The following GMDS variants were observed in gnomAD, a reference collection of about 807,000 sequenced individuals.
GMDS encodes GDP-mannose 4,6 dehydratase.
In GMDS, 20 loss-of-function variants were observed where a neutral mutation model predicts 49.9. That is an observed-to-expected ratio of 0.40 (90% confidence interval 0.28 to 0.58). GMDS has a LOEUF of 0.58. Ranked by LOEUF, GMDS falls within the 20% of genes least tolerant of loss-of-function variation. The pLI is 0.42. For missense variants in GMDS, 362 were observed against 481.4 expected (o/e 0.75, Z 2.32); for synonymous variants, 177 against 178.6 (o/e 0.99, Z 0.07).
chr6:2,128,187 T>G (rs117459758), intron 1 of GMDS, among the ~76,000 whole-genome samples: 6,329 of 152,020 alleles, frequency 0.042, 255 homozygotes, highest in South Asian at 0.13. Flanking sequence ...TTTTTTTTTT[T>G]TTTTGAGACA....
At chr6:2,245,237 A>G in intron 1 of GMDS, 84 bp downstream of exon 1, 1 of 952,036 alleles carries the variant, frequency 1.1e-6, no homozygotes, top group Non-Finnish European at 1.6e-6. Flanking sequence ...TCCTGGAGAG[A>G]CCGCAGCCCA....
intron 1 of GMDS, among the ~76,000 whole-genome samples, chr6:2,206,793 G>A (rs1177703329): frequency 6.6e-6 from 1 of 152,126 alleles, no homozygotes; most frequent in East Asian, 1.9e-4. Context: ...GAAACACTAT[G>A]GGAACCACTG....
At chr6:1,664,587 G>A (rs925423193) in intron 9 of GMDS, among the ~76,000 whole-genome samples, 2 of 152,170 alleles carry the variant, frequency 1.3e-5, no homozygotes, top group African/African-American at 4.8e-5. Flanking sequence ...GAAGCTGAAA[G>A]CAATGTGCTT....
intron 1 of GMDS, among the ~76,000 whole-genome samples, chr6:2,147,043 T>A (rs1460744458): frequency 1.3e-5 from 2 of 152,218 alleles, no homozygotes; most frequent in African/African-American, 4.8e-5. Context: ...CACCATTAAC[T>A]GGCACTGCAG....
At chr6:1,876,192 A>T (rs561036109) in intron 7 of GMDS, among the ~76,000 whole-genome samples, 23 of 152,078 alleles carry the variant, frequency 1.5e-4, no homozygotes, top group South Asian at 8.3e-4. Flanking sequence ...CGGCAGGCAG[A>T]GGTTGCAGTG....
At chr6:1,708,549 C>A (rs1351745533) in intron 9 of GMDS, among the ~76,000 whole-genome samples, 1 of 152,266 alleles carries the variant, frequency 6.6e-6, no homozygotes, top group African/African-American at 2.4e-5. Context: ...GAGAGCCCCA[C>A]TGCATCAGAT....
chr6:1,852,371 C>T (rs574508127), intron 7 of GMDS, among the ~76,000 whole-genome samples: 15 of 152,270 alleles, frequency 9.9e-5, no homozygotes, highest in African/African-American at 3.4e-4. Context: ...AGGATATTTT[C>T]TGTAATAAAA....
intron 7 of GMDS, among the ~76,000 whole-genome samples, chr6:1,798,921 T>C (rs1389141869): frequency 6.6e-6 from 1 of 152,200 alleles, no homozygotes; most frequent in Non-Finnish European, 1.5e-5. Context: ...TTATGGAAAG[T>C]ACTGGAACAC....
At chr6:1,985,754 A>G (rs1765506959) in intron 4 of GMDS, among the ~76,000 whole-genome samples, 1 of 152,188 alleles carries the variant, frequency 6.6e-6, no homozygotes, top group Non-Finnish European at 1.5e-5. Flanking sequence ...GGCAGAAAAC[A>G]TCCCAGTTCA....
chr6:2,216,038 AATT>A (rs1780319098), intron 1 of GMDS, among the ~76,000 whole-genome samples: 1 of 152,158 alleles, frequency 6.6e-6, no homozygotes, highest in South Asian at 2.1e-4. Flanking sequence ...TAATAATTAC[AATT>A]AGAGGATGGG....
chr6:1,650,433 C>T (rs564412236), intron 9 of GMDS, among the ~76,000 whole-genome samples: 56 of 152,268 alleles, frequency 3.7e-4, no homozygotes, highest in African/African-American at 1.1e-3. Context: ...CTTTTAAGAA[C>T]GTGTGAAATA....
chr6:1,646,631 A>G (rs1378612869), intron 9 of GMDS, among the ~76,000 whole-genome samples: 6 of 152,052 alleles, frequency 3.9e-5, no homozygotes, highest in African/African-American at 1.4e-4. Context: ...CAATCCACCC[A>G]CTTTGGCCTC....
At chr6:1,840,777 T>TA (rs1230797483) in intron 7 of GMDS, among the ~76,000 whole-genome samples, 1 of 152,080 alleles carries the variant, frequency 6.6e-6, no homozygotes, top group African/African-American at 2.4e-5. Flanking sequence ...CTGCTAGACT[T>TA]AAAAAAAGGA....
chr6:1,799,106 G>C (rs1042105046), intron 7 of GMDS, among the ~76,000 whole-genome samples: 1 of 151,834 alleles, frequency 6.6e-6, no homozygotes, highest in Non-Finnish European at 1.5e-5. Flanking sequence ...TCAAAGATTA[G>C]CGAGGGAAGG....
At chr6:1,701,942 G>T (rs1277602169) in intron 9 of GMDS, among the ~76,000 whole-genome samples, 1 of 152,354 alleles carries the variant, frequency 6.6e-6, no homozygotes, top group African/African-American at 2.4e-5. Context: ...CAACACAGGA[G>T]TTTGCCTTTT....
chr6:1,740,060 A>G (rs559095729), intron 8 of GMDS, among the ~76,000 whole-genome samples: 1 of 152,350 alleles, frequency 6.6e-6, no homozygotes, highest in East Asian at 1.9e-4. Context: ...TGATTCCTAC[A>G]GAGAACATAA....
chr6:1,986,296 G>A (rs1328407864), intron 4 of GMDS, among the ~76,000 whole-genome samples: 1 of 152,164 alleles, frequency 6.6e-6, no homozygotes, highest in Non-Finnish European at 1.5e-5. Flanking sequence ...ATCCAGGGAA[G>A]TACCAGTGCC....
At chr6:1,757,074 A>T (rs1767978894) in intron 7 of GMDS, among the ~76,000 whole-genome samples, 1 of 152,224 alleles carries the variant, frequency 6.6e-6, no homozygotes, top group Non-Finnish European at 1.5e-5. Context: ...CTCTAATGTC[A>T]GCTGATTGTT....
At chr6:1,857,998 A>G (rs1173167868) in intron 7 of GMDS, among the ~76,000 whole-genome samples, 1 of 152,200 alleles carries the variant, frequency 6.6e-6, no homozygotes, top group East Asian at 1.9e-4. Flanking sequence ...AGGAAAGCGC[A>G]TATATTTATG....
Sources: gnomAD v4.1 joint callset for allele counts (sites outside exome capture counted in the v4.1 genomes callset) on GRCh38, gnomAD v4.1.1 for gene constraint, MANE v1.5 for transcripts, NCBI Gene and HGNC (gene_info 2026-07-23, HGNC 2026-07-21) for gene names.